Variants in MYO5A observed in about 807,000 individuals in gnomAD.
MYO5A encodes the protein myosin VA, also known as unconventional myosin-Va.
In MYO5A, 98 loss-of-function variants were observed where a neutral mutation model predicts 249.7. The ratio of observed to expected loss-of-function variants is 0.39; its 90% CI spans 0.33 to 0.46. The LOEUF (loss-of-function observed/expected upper bound fraction) is 0.46, where lower values mean the gene tolerates loss of function less well. Ranked by LOEUF, MYO5A falls within the 20% of genes least tolerant of loss-of-function variation. The pLI is 0.98. For missense variants in MYO5A, 1,696 were observed against 2,308.8 expected (o/e 0.73, Z 5.44); for synonymous variants, 778 against 810.6 (o/e 0.96, Z 0.68).
In MYO5A at chr15:52,351,267, G is replaced by T. The variant is rs2039937825; in HGVS notation, c.3836C>A (p.Ala1279Asp). 6.2e-7 allele frequency: 1 copy of T among 1,613,962 alleles called. No individual in the cohort carries two copies. The highest frequency in any genetic ancestry group is 8.5e-7 in the Non-Finnish European group (1 of 1,179,970). ...GCTTGCGCTTACCTTGGGTTGGATG[G>T]CCTCTTTCTGGCTCACCAGTTGAGA... ...LRSQLVSQKE[A>D]IQPKDDKNTM... Residue 1279 changes from alanine (A) to aspartate (D), a missense_variant, in exon 28 of 42, where the codon GCC becomes GAC. Physicochemically the swap from Ala to Asp is moderately radical, Grantham distance 126. Around this residue, in one of 5 missense-constraint regions of MYO5A, gnomAD observed 625 missense variants for 908.1 expected, o/e 0.69. Transcript: ENST00000399233.
intron 7 of MYO5A, 56 bp from the exon 8 acceptor site, chr15:52,407,455 C>T: frequency 8.0e-7 from 1 of 1,254,940 alleles, no homozygotes; most frequent in Non-Finnish European, 1.2e-6. Flanking sequence ...TGCCTTCTAA[C>T]CTTATGTCCA....
chr15:52,369,399 T>C (rs531687982), intron 22 of MYO5A, among the ~76,000 whole-genome samples: 4 of 152,370 alleles, frequency 2.6e-5, no homozygotes, highest in African/African-American at 9.6e-5. Context: ...TGAGGTACTT[T>C]TACAAATGTT....
At chr15:52,475,562 T>C (rs1303285622) in intron 1 of MYO5A, among the ~76,000 whole-genome samples, 3 of 152,226 alleles carry the variant, frequency 2.0e-5, no homozygotes, top group Non-Finnish European at 2.9e-5. Flanking sequence ...GCTTTGAATG[T>C]GTCCCAGAGA....
In MYO5A at chr15:52,376,535, A is replaced by C. The variant is rs1298443091; in HGVS notation, c.2232T>G (p.Gly744=). Residue 744 remains glycine, a synonymous_variant, in exon 19 of 42, where the codon GGT becomes GGG. Transcript: ENST00000399233. ...LILDKDKYQF[G]KTKIFFRAGQ... The stretch of plus-strand genomic sequence containing the variant: ...CGGCACGGAAAAAGATCTTTGTCTT[A>C]CCAAACTGGTATTTGTCCTTGTCCT... 3 of 1,614,214 alleles carry C rather than the reference A, an allele frequency of 1.9e-6. No individual in the cohort carries two copies. The highest frequency in any genetic ancestry group is 1.7e-5 in the Admixed American group (1 of 60,032).
intron 39 of MYO5A, 126 bp downstream of exon 39, chr15:52,318,934 G>T: frequency 8.0e-7 from 1 of 1,242,470 alleles, no homozygotes; most frequent in Non-Finnish European, 1.1e-6. Flanking sequence ...TTTCTCCCTT[G>T]CTGCTTGGCC....
Position 52,375,403 on chromosome 15 carries a change from G to A in MYO5A, c.2478C>T (p.Arg826=). ...TGTACCTCCTGCGGACCACATACATGCGCCAGTACTTTTGAATGATGGTTG... is the reference window on the plus strand; with the variant it reads ...TGTACCTCCTGCGGACCACATACATACGCCAGTACTTTTGAATGATGGTTG... The part of the protein sequence containing the change: ...KAATIIQKYW[R]MYVVRRRYKI... The change falls in exon 20 of 42, where the codon CGC becomes CGT. Residue 826 remains arginine, a synonymous_variant. Transcript: ENST00000399233. 1.2e-6 allele frequency: 2 copies of A among 1,614,112 alleles called. No individual in the cohort carries two copies. Among genetic ancestry groups the A allele is most frequent in the South Asian group, 1.1e-5 (1 of 91,078 alleles).
At chr15:52,509,032 T>A (rs2077335003) in intron 1 of MYO5A, among the ~76,000 whole-genome samples, 1 of 151,934 alleles carries the variant, frequency 6.6e-6, no homozygotes, top group Non-Finnish European at 1.5e-5. Flanking sequence ...AGTGCAATGG[T>A]TTGATCGTGG....
Position 52,397,478 on chromosome 15 carries a change from T to C in MYO5A, c.1054-12A>G. 8 of 1,613,062 alleles carry C rather than the reference T, an allele frequency of 5.0e-6. No homozygotes were observed. The highest frequency in any genetic ancestry group is 6.8e-6 in the Non-Finnish European group (8 of 1,179,162). On this transcript the variant is annotated splice_polypyrimidine_tract_variant and intron_variant, in intron 9 of 41. Transcript: ENST00000399233. ...GGTTCATGCTTGGGCTGCCAAAAGATAATGAGTTATTTCCTATGACCAGAT... is the reference window on the plus strand; with the variant it reads ...GGTTCATGCTTGGGCTGCCAAAAGACAATGAGTTATTTCCTATGACCAGAT...
intron 1 of MYO5A, among the ~76,000 whole-genome samples, chr15:52,474,180 G>C (rs1375914301): frequency 6.6e-6 from 1 of 152,096 alleles, no homozygotes; most frequent in East Asian, 1.9e-4. Context: ...CTCATGATTT[G>C]GCTCTCTGTT....
At chr15:52,482,631 T>C (rs1289482433) in intron 1 of MYO5A, among the ~76,000 whole-genome samples, 1 of 152,156 alleles carries the variant, frequency 6.6e-6, no homozygotes, top group African/African-American at 2.4e-5. Context: ...CTAACATTAA[T>C]TTCCTGTTCA....
At chr15:52,478,845 C>T (rs1481866406) in intron 1 of MYO5A, among the ~76,000 whole-genome samples, 1 of 152,204 alleles carries the variant, frequency 6.6e-6, no homozygotes, top group African/African-American at 2.4e-5. Flanking sequence ...GCAACAGCAA[C>T]ACAACATGGC....
intron 34 of MYO5A, among the ~76,000 whole-genome samples, chr15:52,335,737 ATTTC>A (rs938433005): frequency 7.9e-5 from 12 of 152,036 alleles, no homozygotes; most frequent in Admixed American, 4.6e-4. Flanking sequence ...TAAAAATCTT[ATTTC>A]TTTATCATCA....
At chr15:52,470,713 A>G (rs192081367) in intron 1 of MYO5A, among the ~76,000 whole-genome samples, 58 of 151,624 alleles carry the variant, frequency 3.8e-4, no homozygotes, top group Non-Finnish European at 4.9e-4. Context: ...CAAGGCATCA[A>G]TGGAACCAAT....
At chr15:52,469,851 T>A (rs2076423694) in intron 1 of MYO5A, among the ~76,000 whole-genome samples, 1 of 152,194 alleles carries the variant, frequency 6.6e-6, no homozygotes, top group Non-Finnish European at 1.5e-5. Flanking sequence ...GATATACTCA[T>A]CTCCATCAAG....
chr15:52,452,543 A>G (rs1043653655), intron 1 of MYO5A, among the ~76,000 whole-genome samples: 2 of 152,186 alleles, frequency 1.3e-5, no homozygotes, highest in African/African-American at 2.4e-5. Flanking sequence ...TTAAACTCAG[A>G]GGAGACTCCA....
chr15:52,390,594 T>C (rs1195106070), intron 12 of MYO5A, among the ~76,000 whole-genome samples: 1 of 150,154 alleles, frequency 6.7e-6, no homozygotes, highest in African/African-American at 2.5e-5. Flanking sequence ...GGTTTCACTC[T>C]TTTCACCCAG....
intron 1 of MYO5A, among the ~76,000 whole-genome samples, chr15:52,455,901 C>T (rs1363122289): frequency 3.9e-5 from 6 of 151,986 alleles, no homozygotes; most frequent in Non-Finnish European, 8.8e-5. Flanking sequence ...ATCTAACATA[C>T]GGATCAACAA....
chr15:52,470,108 T>C (rs2076429339), intron 1 of MYO5A, among the ~76,000 whole-genome samples: 1 of 152,238 alleles, frequency 6.6e-6, no homozygotes, highest in East Asian at 1.9e-4. Context: ...TAATGGCACC[T>C]TCAATGGTGT....
intron 39 of MYO5A, among the ~76,000 whole-genome samples, chr15:52,317,923 G>A (rs1023488750): frequency 2.6e-5 from 4 of 152,240 alleles, no homozygotes; most frequent in African/African-American, 9.6e-5. Context: ...CAGGCAAATA[G>A]GGGCCAGCAT....
Sources: allele counts gnomAD v4.1 joint callset (sites outside exome capture counted in the v4.1 genomes callset), GRCh38; gene constraint gnomAD v4.1.1; regional missense constraint gnomAD v4.1.1; transcripts MANE v1.5; gene names NCBI Gene and HGNC (gene_info 2026-07-23, HGNC 2026-07-21).